Variants in ADCY1 observed in about 807,000 individuals in gnomAD.
ADCY1 encodes adenylate cyclase type 1.
Under a neutral mutation model 105.4 loss-of-function variants are expected in ADCY1, and 28 were observed. The ratio of observed to expected loss-of-function variants is 0.27; its 90% CI spans 0.20 to 0.36. The LOEUF (loss-of-function observed/expected upper bound fraction) is 0.36. Ranked by LOEUF, ADCY1 falls within the 10% of genes least tolerant of loss-of-function variation. ADCY1 has a pLI of 1.00. For synonymous variants in ADCY1, 655 were observed against 623.8 expected (o/e 1.05, Z -0.75); for missense variants, 977 against 1,434.2 (o/e 0.68, Z 5.15).
chr7:45,679,313 G>A (rs1366723238), intron 10 of ADCY1, among the ~76,000 whole-genome samples: 1 of 152,140 alleles, frequency 6.6e-6, no homozygotes, highest in Non-Finnish European at 1.5e-5. Flanking sequence ...GGATTTAAGC[G>A]TTTTCTAAAA....
intron 7 of ADCY1, among the ~76,000 whole-genome samples, chr7:45,661,688 C>T (rs1017129971): frequency 1.3e-5 from 2 of 152,160 alleles, no homozygotes; most frequent in African/African-American, 4.8e-5. Context: ...CTTTCCTTGT[C>T]TGTAGAAGGG....
intron 3 of ADCY1, among the ~76,000 whole-genome samples, chr7:45,612,713 G>A (rs948453366): frequency 1.3e-5 from 2 of 152,180 alleles, no homozygotes; most frequent in African/African-American, 2.4e-5. Flanking sequence ...GAAAGAGTCA[G>A]TGTGACCACT....
Position 45,592,649 on chromosome 7 carries a change from C to G in ADCY1, c.640-110C>G, listed in dbSNP as rs144653638. The G allele has an allele frequency of 2.4e-5, 35 of 1,484,742 alleles. No individual in the cohort carries two copies. In the South Asian group the frequency reaches 4.3e-4, roughly 18 times the overall value. 92.0% of individuals were successfully genotyped at this position (1,484,742 alleles called of 1,614,324 possible). ...CTGGCCCTGCGCTGTGGGTTTGGCCCGGGCGGCGTGGCTTTTGGAGAGCTC... is the reference window on the plus strand; with the variant it reads ...CTGGCCCTGCGCTGTGGGTTTGGCCGGGGCGGCGTGGCTTTTGGAGAGCTC... On this transcript the variant is annotated intron_variant, in intron 1 of 19. Coordinates refer to ENST00000297323, the MANE Select transcript of ADCY1 (RefSeq NM_021116.4).
intron 4 of ADCY1, among the ~76,000 whole-genome samples, chr7:45,643,622 T>C (rs769358639): frequency 2.6e-4 from 39 of 152,332 alleles, no homozygotes; most frequent in Middle Eastern, 6.8e-3. Context: ...TTTTGATCTT[T>C]TAGGTATAAC....
At chr7:45,607,626 C>T (rs1311959379) in intron 2 of ADCY1, among the ~76,000 whole-genome samples, 2 of 152,140 alleles carry the variant, frequency 1.3e-5, no homozygotes, top group African/African-American at 4.8e-5. Context: ...TTGGAGTCCC[C>T]AGTGTCTGTT....
At position 45,713,928 on chromosome 7, in the gene ADCY1, G is replaced by C; in HGVS notation, c.3293G>C (p.Arg1098Thr). 1.3e-6 allele frequency: 1 copy of C among 780,554 alleles called. No individual in the cohort carries two copies. Among genetic ancestry groups the C allele is most frequent in the Non-Finnish European group, 2.4e-6 (1 of 418,142 alleles). 48.4% of individuals were successfully genotyped at this position (780,554 alleles called of 1,614,324 possible). A position where few individuals can be genotyped will look rare whatever the true frequency, so the allele number is the denominator to read the frequency against. The part of the protein sequence containing the change: ...PVCPMPGVSV[R>T]AGLPPHSPGQ... The stretch of plus-strand genomic sequence containing the variant: ...TGCCCCATGCCTGGCGTCTCAGTCA[G>C]GGCTGGGCTCCCTCCACACTCCCCA... Residue 1098 changes from arginine to threonine, a missense_variant, in exon 20 of 20, where the codon AGG becomes ACG. Arg to Thr is a moderately conservative substitution (Grantham distance 71, BLOSUM62 -1). Transcript: ENST00000297323.
intron 2 of ADCY1, among the ~76,000 whole-genome samples, chr7:45,594,855 T>C (rs1459927425): frequency 1.3e-5 from 2 of 152,210 alleles, no homozygotes. Context: ...TATTTAGTGT[T>C]CAGATTTTGT....
chr7:45,583,386 C>T (rs1404595294), intron 1 of ADCY1, among the ~76,000 whole-genome samples: 1 of 152,204 alleles, frequency 6.6e-6, no homozygotes, highest in Non-Finnish European at 1.5e-5. Flanking sequence ...TGCACTACAG[C>T]CTCTGAGCCC....
At chr7:45,672,553 T>G (rs983425397) in intron 8 of ADCY1, among the ~76,000 whole-genome samples, 3 of 152,142 alleles carry the variant, frequency 2.0e-5, no homozygotes, top group African/African-American at 7.2e-5. Flanking sequence ...CATCTTGTAT[T>G]TTATTTTTCT....
In ADCY1 at chr7:45,678,079, T is replaced by A. The variant is rs1444369933; in HGVS notation, c.1800+16T>A. The A allele has an allele frequency of 6.2e-7, 1 of 1,613,854 alleles. No homozygotes were observed. Among genetic ancestry groups the A allele is most frequent in the African/African-American group, 1.3e-5 (1 of 74,908 alleles). On this transcript the variant is annotated intron_variant, in intron 9 of 19. Transcript: ENST00000297323. ...GGAGCAAAAGGTAAGCAACTCTGGT[T>A]TTCGGCTTCCCTGGTGCTGCTTGCG...
In ADCY1 at chr7:45,574,456, CCGCCCGCCCCGGCGCCGCCGCCCG is replaced by C. The variant is rs1792253867; in HGVS notation, c.-82_-59del. ...GCCCCGGCGCCTCGCCGCCCGCCGC[CCGCCCGCCCCGGCGCCGCCGCCCG>C]CGCCCCGGCGCCCCGGGCCGGCGAG... On this transcript the variant is annotated 5_prime_UTR_variant, in exon 1 of 20. Transcript: ENST00000297323. The surrounding 1 kb of genome is among the most constrained non-coding windows in gnomAD (Gnocchi z 7.0). The C allele has an allele frequency of 5.8e-6, 1 of 173,602 alleles. No individual in the cohort carries two copies. The highest frequency in any genetic ancestry group is 7.1e-5 in the Admixed American group (1 of 14,060). The allele number at this position is 173,602 out of a possible 1,614,324, so 10.8% of individuals were successfully genotyped here.
chr7:45,604,637 G>T (rs895125125), intron 2 of ADCY1, among the ~76,000 whole-genome samples: 2 of 152,078 alleles, frequency 1.3e-5, no homozygotes, highest in African/African-American at 4.8e-5. Flanking sequence ...GCGCATATTT[G>T]TGTGATCTAT....
At chr7:45,688,179 A>C (rs182076575) in intron 14 of ADCY1, among the ~76,000 whole-genome samples, 48 of 152,366 alleles carry the variant, frequency 3.2e-4, no homozygotes, top group Non-Finnish European at 5.0e-4. Context: ...CCTGAATTCC[A>C]GCAACTCCAT....
rs1785341555 is a variant in ADCY1, at chr7:45,715,402, T to C, written c.*1407T>C. The C allele has an allele frequency of 6.6e-6, 1 of 152,442 alleles. No individual in the cohort carries two copies. Among genetic ancestry groups the C allele is most frequent in the African/African-American group, 2.4e-5 (1 of 41,460 alleles). 9.4% of individuals were successfully genotyped at this position (152,442 alleles called of 1,614,324 possible). On this transcript the variant is annotated 3_prime_UTR_variant, in exon 20 of 20. Coordinates refer to ENST00000297323, the MANE Select transcript of ADCY1 (RefSeq NM_021116.4). ...GCAGATGAGGCCTGAGCCCTGCCTA[T>C]GCTCAAAGCCAGCAGGGTTGGGGGT... is the stretch of plus-strand genomic sequence containing the variant.
Position 45,580,372 on chromosome 7 carries a change from G to T in ADCY1, c.639+5190G>T, listed in dbSNP as rs554015132. Among the ~76,000 whole-genome samples, 5 of 152,220 alleles carry T rather than the reference G, an allele frequency of 3.3e-5. No individual in the cohort carries two copies. In the South Asian group the frequency reaches 1.0e-3, roughly 32 times the overall value. On this transcript the variant is annotated intron_variant, in intron 1 of 19. Transcript: ENST00000297323. ...CGGAGAAGAGCTGGGAGCAGACACA[G>T]GGGTGGAGTCTGCAGCTGCCGGGGC...
At chr7:45,653,555 C>T (rs1794864400) in intron 5 of ADCY1, among the ~76,000 whole-genome samples, 1 of 152,348 alleles carries the variant, frequency 6.6e-6, no homozygotes, top group Middle Eastern at 3.4e-3. Flanking sequence ...CTCTGTATTC[C>T]ATACCTGGAA....
At chr7:45,617,276 A>T (rs924724821) in intron 3 of ADCY1, among the ~76,000 whole-genome samples, 3 of 152,182 alleles carry the variant, frequency 2.0e-5, no homozygotes, top group Admixed American at 6.5e-5. Flanking sequence ...AGCCACTGGC[A>T]CTGGGAAGCA....
At chr7:45,697,766 A>G (rs751797652) in intron 14 of ADCY1, among the ~76,000 whole-genome samples, 4 of 152,282 alleles carry the variant, frequency 2.6e-5, no homozygotes, top group East Asian at 1.9e-4. Flanking sequence ...TCCAACTACT[A>G]TGTTGACTCA....
chr7:45,697,972 A>T (rs899342933), intron 14 of ADCY1, among the ~76,000 whole-genome samples: 1 of 152,022 alleles, frequency 6.6e-6, no homozygotes, highest in Non-Finnish European at 1.5e-5. Context: ...CAGCTCATGA[A>T]CTCCAATTCC....
Sources: allele counts gnomAD v4.1 joint callset (sites outside exome capture counted in the v4.1 genomes callset), GRCh38; gene constraint gnomAD v4.1.1; non-coding constraint Gnocchi (gnomAD v3.1); transcripts MANE v1.5; gene names NCBI Gene and HGNC (gene_info 2026-07-23, HGNC 2026-07-21).